NUP214: variants seen among roughly 807,000 people sequenced by gnomAD.
NUP214 encodes nuclear pore complex protein Nup214.
Under a neutral mutation model 196.2 loss-of-function variants are expected in NUP214, and 79 were observed. The observed-to-expected ratio is 0.40, with a 90% CI of 0.34 to 0.49. The LOEUF is 0.49. Ranked by LOEUF, NUP214 falls within the 20% of genes least tolerant of loss-of-function variation. NUP214 has a pLI of 0.58. For synonymous variants in NUP214, 1,020 were observed against 990.5 expected, an observed-to-expected ratio of 1.03 and a Z score of -0.56; for missense variants, 2,468 against 2,539.0, an observed-to-expected ratio of 0.97 and a Z score of 0.60.
intron 26 of NUP214, among the ~76,000 whole-genome samples, chr9:131,189,737 T>C (rs1277572915): frequency 6.6e-6 from 1 of 152,220 alleles, no homozygotes; most frequent in African/African-American, 2.4e-5. Context: ...TTTGTCCAAG[T>C]GTCATTGCCC....
intron 28 of NUP214, chr9:131,195,599 C>T: frequency 3.3e-6 from 1 of 301,556 alleles, no homozygotes. Context: ...TTTAAAATTT[C>T]TTCAATTTAT....
At chr9:131,148,332 G>A (rs927072098) in intron 14 of NUP214, among the ~76,000 whole-genome samples, 1 of 152,172 alleles carries the variant, frequency 6.6e-6, no homozygotes, top group African/African-American at 2.4e-5. Context: ...GGAATTTATT[G>A]TGTGATTATA....
chr9:131,230,562 T>A, intron 33 of NUP214, 68 bp from the exon 34 acceptor site: 1 of 1,592,112 alleles, frequency 6.3e-7, no homozygotes. Flanking sequence ...AGCAGGGGGC[T>A]GAGGCTTGCA....
rs1481327947 is a variant in NUP214, at chr9:131,128,452, C to G, written c.362C>G (p.Ala121Gly). 6.2e-7 allele frequency: 1 copy of G among 1,612,548 alleles called. No homozygotes were observed. Among genetic ancestry groups the G allele is most frequent in the Non-Finnish European group, 8.5e-7 (1 of 1,179,104 alleles). Residue 121 changes from alanine (A) to glycine (G), a missense_variant, in exon 3 of 36, where the codon GCT becomes GGT. Coordinates refer to ENST00000359428, the MANE Select transcript of NUP214 (RefSeq NM_005085.4). The stretch of plus-strand genomic sequence containing the variant: ...TCCAGTGAATATGGTTCCATTATTG[C>G]TTTTTTTGATGTTCGCACATTCTCA... ...MMSSEYGSII[A>G]FFDVRTFSNE...
At position 131,215,197 on chromosome 9, in the gene NUP214, C is replaced by G; in HGVS notation, c.5593-15C>G. Reference sequence around the variant, plus strand: ...CTCTCATCCTATCTTGCTTCCTGACCCTTTTGTTTTTTAGCAATCATCCTC... The same window carrying G: ...CTCTCATCCTATCTTGCTTCCTGACGCTTTTGTTTTTTAGCAATCATCCTC... On this transcript the variant is annotated splice_polypyrimidine_tract_variant and intron_variant, in intron 30 of 35. Coordinates refer to ENST00000359428, the MANE Select transcript of NUP214 (RefSeq NM_005085.4). The G allele has an allele frequency of 1.3e-6, 2 of 1,507,500 alleles. No individual in the cohort carries two copies. Among genetic ancestry groups the G allele is most frequent in the Non-Finnish European group, 1.8e-6 (2 of 1,127,646 alleles). The allele number at this position is 1,507,500 out of a possible 1,614,324, so 93.4% of individuals were successfully genotyped here. A position where few individuals can be genotyped will look rare whatever the true frequency, so the allele number is the denominator to read the frequency against.
intron 2 of NUP214, among the ~76,000 whole-genome samples, chr9:131,128,065 A>G (rs1217686153): frequency 1.3e-5 from 2 of 152,234 alleles, no homozygotes; most frequent in African/African-American, 4.8e-5. Context: ...GGCAAGGTGT[A>G]CTATTTAGAG....
intron 23 of NUP214, 35 bp downstream of exon 23, chr9:131,175,656 G>A (rs1460216628): frequency 6.3e-7 from 1 of 1,597,922 alleles, no homozygotes; most frequent in Admixed American, 1.8e-5. Context: ...TACAGAGGCT[G>A]ATTATGAGCT....
At chr9:131,155,926 T>TCAC (rs1832423058) in intron 17 of NUP214, among the ~76,000 whole-genome samples, 2 of 152,118 alleles carry the variant, frequency 1.3e-5, no homozygotes, top group South Asian at 4.1e-4. Flanking sequence ...TACCTCCAGA[T>TCAC]TTGTTCTTTT....
chr9:131,157,135 G>GC (rs1832475501), intron 17 of NUP214, among the ~76,000 whole-genome samples: 1 of 107,336 alleles, frequency 9.3e-6, no homozygotes, highest in African/African-American at 3.1e-5. Flanking sequence ...ACCACGTTTA[G>GC]CTCTGTTTTT....
At chr9:131,161,629 T>C (rs1832637181) in intron 18 of NUP214, among the ~76,000 whole-genome samples, 1 of 152,178 alleles carries the variant, frequency 6.6e-6, no homozygotes, top group Non-Finnish European at 1.5e-5. Context: ...AGCCCTGAAC[T>C]CAAAGAGGTA....
At chr9:131,184,907 T>G (rs1438580492) in intron 24 of NUP214, among the ~76,000 whole-genome samples, 1 of 152,242 alleles carries the variant, frequency 6.6e-6, no homozygotes, top group Admixed American at 6.5e-5. Flanking sequence ...TTTTCATTCT[T>G]TTTCCCTGTT....
At chr9:131,148,371 C>T (rs1358393408) in intron 14 of NUP214, among the ~76,000 whole-genome samples, 1 of 152,154 alleles carries the variant, frequency 6.6e-6, no homozygotes, top group African/African-American at 2.4e-5. Flanking sequence ...CTCTGATGGG[C>T]GCTTGAGTAG....
At chr9:131,179,717 T>G (rs1833214268) in intron 24 of NUP214, among the ~76,000 whole-genome samples, 1 of 152,194 alleles carries the variant, frequency 6.6e-6, no homozygotes, top group Non-Finnish European at 1.5e-5. Flanking sequence ...TTGTTCTGTT[T>G]ATCAACACTG....
intron 21 of NUP214, 76 bp downstream of exon 21, chr9:131,164,220 C>T (rs749945368): frequency 2.1e-5 from 28 of 1,324,572 alleles, no homozygotes; most frequent in African/African-American, 2.9e-5. Flanking sequence ...CGCGCACATG[C>T]ACGTGTGCAT....
chr9:131,162,285 A>G (rs1219039772), intron 18 of NUP214, among the ~76,000 whole-genome samples: 1 of 152,238 alleles, frequency 6.6e-6, no homozygotes, highest in Non-Finnish European at 1.5e-5. Flanking sequence ...ATACCATAGC[A>G]AAGAAAATTT....
chr9:131,126,894 C>T (rs1220683923), intron 1 of NUP214: 1 of 152,092 alleles, frequency 6.6e-6, no homozygotes, highest in East Asian at 1.9e-4. Flanking sequence ...TGGTGAGCCA[C>T]CTAATGGGGT....
chr9:131,142,285 A>G (rs1831941523), intron 11 of NUP214, among the ~76,000 whole-genome samples: 2 of 152,224 alleles, frequency 1.3e-5, no homozygotes, highest in Admixed American at 6.5e-5. Flanking sequence ...CTACTAGCCC[A>G]TTCAATGCTG....
chr9:131,220,960 A>G (rs1834539773), intron 31 of NUP214, among the ~76,000 whole-genome samples: 1 of 152,236 alleles, frequency 6.6e-6, no homozygotes, highest in Non-Finnish European at 1.5e-5. Flanking sequence ...AGTTTCTCCA[A>G]GAGGAGATTC....
chr9:131,138,818 C>T (rs1005064115), intron 9 of NUP214, among the ~76,000 whole-genome samples: 1 of 152,180 alleles, frequency 6.6e-6, no homozygotes, highest in East Asian at 1.9e-4. Context: ...GGCATCTGAG[C>T]ACAGACCAGC....
Sources: gnomAD v4.1 joint callset for allele counts (sites outside exome capture counted in the v4.1 genomes callset) on GRCh38, gnomAD v4.1.1 for gene constraint, MANE v1.5 for transcripts, NCBI Gene and HGNC (gene_info 2026-07-23, HGNC 2026-07-21) for gene names.